The following FER variants were observed in gnomAD, a reference collection of about 807,000 sequenced individuals.
FER encodes the protein tyrosine-protein kinase Fer.
FER carries 63 observed loss-of-function variants against 111.0 expected under a neutral mutation model. The ratio of observed to expected loss-of-function variants is 0.57; its 90% CI spans 0.46 to 0.70. The LOEUF (loss-of-function observed/expected upper bound fraction) is 0.70. Ranked by LOEUF, FER falls within the 30% of genes least tolerant of loss-of-function variation. The pLI, the probability that FER is intolerant of heterozygous loss-of-function variation, is 0.00. For synonymous variants in FER, 327 were observed against 313.9 expected (o/e 1.04, Z -0.44); for missense variants, 914 against 954.0 (o/e 0.96, Z 0.55).
chr5:109,036,326 T>C (rs1283429557), intron 13 of FER, among the ~76,000 whole-genome samples: 6 of 152,146 alleles, frequency 3.9e-5, no homozygotes, highest in African/African-American at 1.4e-4. Context: ...TATTGCATTT[T>C]AAAAATCAGT....
At chr5:108,819,179 CTTTTTTTTT>C (rs775764459) in intron 3 of FER, among the ~76,000 whole-genome samples, 1 of 127,234 alleles carries the variant, frequency 7.9e-6, no homozygotes, top group Non-Finnish European at 1.6e-5. Context: ...CCATGCTCAG[CTTTTTTTTT>C]TTTTTTTTTT....
At chr5:108,952,327 C>T (rs78947762) in intron 11 of FER, among the ~76,000 whole-genome samples, 7,259 of 151,936 alleles carry the variant, frequency 0.048, 261 homozygotes, top group South Asian at 0.12. Flanking sequence ...ATGCATCCTA[C>T]ATATATTACT....
chr5:108,847,712 G>T (rs981593789), intron 5 of FER, among the ~76,000 whole-genome samples: 1 of 152,050 alleles, frequency 6.6e-6, no homozygotes, highest in Non-Finnish European at 1.5e-5. Flanking sequence ...GCATTTATGA[G>T]TATTATATTC....
intron 11 of FER, among the ~76,000 whole-genome samples, chr5:108,952,606 C>G (rs1390137144): frequency 7.2e-6 from 1 of 138,652 alleles, no homozygotes; most frequent in Non-Finnish European, 1.7e-5. Context: ...AACTAAGAAG[C>G]CTATAGAATT....
At chr5:108,761,468 C>T (rs913998343) in intron 1 of FER, among the ~76,000 whole-genome samples, 7 of 151,986 alleles carry the variant, frequency 4.6e-5, no homozygotes, top group African/African-American at 1.5e-4. Flanking sequence ...GTTAAGTTCA[C>T]CGTTATATAT....
chr5:109,039,192 G>A (rs935929234), intron 14 of FER, among the ~76,000 whole-genome samples: 1 of 150,466 alleles, frequency 6.6e-6, no homozygotes, highest in South Asian at 2.1e-4. Flanking sequence ...ATAATATAAG[G>A]TAATGGCAGG....
At chr5:108,992,029 C>T (rs1250929882) in intron 13 of FER, among the ~76,000 whole-genome samples, 2 of 152,094 alleles carry the variant, frequency 1.3e-5, no homozygotes, top group African/African-American at 2.4e-5. Context: ...TGCGGCCTTC[C>T]GCAGTGTTTG....
At chr5:108,977,972 AG>A (rs1449024028) in intron 13 of FER, among the ~76,000 whole-genome samples, 1 of 152,068 alleles carries the variant, frequency 6.6e-6, no homozygotes, top group Non-Finnish European at 1.5e-5. Context: ...CAGCCTCCCG[AG>A]GTAGCTGGGA....
chr5:109,106,332 CTATT>C (rs1403953669), intron 17 of FER, among the ~76,000 whole-genome samples: 1 of 151,932 alleles, frequency 6.6e-6, no homozygotes, highest in Admixed American at 6.5e-5. Flanking sequence ...TGTTGCTTCT[CTATT>C]TAATAAGAGT....
intron 10 of FER, among the ~76,000 whole-genome samples, chr5:108,902,863 T>G (rs1169724739): frequency 6.6e-6 from 1 of 152,030 alleles, no homozygotes; most frequent in Non-Finnish European, 1.5e-5. Flanking sequence ...ATATCAAAAT[T>G]TTCTAATCTC....
chr5:109,124,576 T>A (rs1751421828), intron 17 of FER, among the ~76,000 whole-genome samples: 3 of 136,000 alleles, frequency 2.2e-5, no homozygotes, highest in Non-Finnish European at 3.1e-5. Flanking sequence ...AGACAGACAT[T>A]TTTTAATAGT....
At chr5:108,769,894 A>G (rs1752703641) in intron 2 of FER, among the ~76,000 whole-genome samples, 1 of 152,124 alleles carries the variant, frequency 6.6e-6, no homozygotes, top group Admixed American at 6.5e-5. Flanking sequence ...CAAATTTGTA[A>G]TATATACTAG....
At chr5:108,810,565 G>A (rs1175369827) in intron 3 of FER, among the ~76,000 whole-genome samples, 1 of 152,180 alleles carries the variant, frequency 6.6e-6, no homozygotes, top group African/African-American at 2.4e-5. Flanking sequence ...GCCCGGGGAG[G>A]GAGAGTTGGC....
At chr5:109,002,318 G>A (rs908337066) in intron 13 of FER, among the ~76,000 whole-genome samples, 174 of 151,614 alleles carry the variant, frequency 1.1e-3, no homozygotes, top group African/African-American at 3.8e-3. Flanking sequence ...AAATAACGCC[G>A]CATATCTACA....
chr5:109,162,271 C>G (rs1191154982), intron 17 of FER, among the ~76,000 whole-genome samples: 1 of 151,936 alleles, frequency 6.6e-6, no homozygotes, highest in East Asian at 1.9e-4. Context: ...AGAGTTCTTT[C>G]GTTTGAAAGA....
In FER at chr5:109,100,409, C is replaced by T. The variant is rs1013129759; in HGVS notation, c.1938C>T (p.Leu646=). ...CAATTCCTCTAGGAGGTGATTTCCT[C>T]ACCTTTCTGAGAAGGAAGAAGGATG... The part of the protein sequence containing the change: ...IMELVSGGDF[L]TFLRRKKDEL... The change falls in exon 17 of 20, where the codon CTC becomes CTT. Residue 646 remains leucine (L), a synonymous_variant. Coordinates refer to ENST00000281092, the MANE Select transcript of FER (RefSeq NM_005246.4). 11 of 1,610,480 alleles carry T rather than the reference C, an allele frequency of 6.8e-6. No homozygotes were observed. Among genetic ancestry groups the T allele is most frequent in the Non-Finnish European group, 9.3e-6 (11 of 1,177,674 alleles).
At chr5:108,964,679 A>G (rs930980808) in intron 13 of FER, among the ~76,000 whole-genome samples, 2 of 152,220 alleles carry the variant, frequency 1.3e-5, no homozygotes, top group African/African-American at 2.4e-5. Flanking sequence ...AGAAATTCAC[A>G]TCATTTGAGT....
chr5:108,897,886 G>GTAGT (rs1749385107), intron 10 of FER, 38 bp downstream of exon 10: 1 of 1,525,876 alleles, frequency 6.6e-7, no homozygotes, highest in South Asian at 1.2e-5. Flanking sequence ...ACTTGGAAGA[G>GTAGT]TAGTGTCTAG....
chr5:108,943,369 A>C (rs11958918), intron 10 of FER, among the ~76,000 whole-genome samples: 17,760 of 151,930 alleles, frequency 0.12, 1,133 homozygotes, highest in Middle Eastern at 0.16. Context: ...TCAGACTCAT[A>C]CTCTTTATCC....
Sources: allele counts gnomAD v4.1 joint callset (sites outside exome capture counted in the v4.1 genomes callset), GRCh38; gene constraint gnomAD v4.1.1; transcripts MANE v1.5; gene names NCBI Gene and HGNC (gene_info 2026-07-23, HGNC 2026-07-21).